Variants in SNTG1 observed in about 807,000 individuals in gnomAD.
The protein encoded by SNTG1 is syntrophin gamma 1.
SNTG1 carries 39 observed loss-of-function variants against 74.7 expected under a neutral mutation model. That is an observed-to-expected ratio of 0.52 (90% confidence interval 0.40 to 0.68). The LOEUF is 0.68. Among genes scored for constraint, SNTG1 ranks in the 30% least tolerant of loss-of-function variants. The pLI, the probability that SNTG1 is intolerant of heterozygous loss-of-function variation, is 0.00. For synonymous variants in SNTG1, 254 were observed against 217.1 expected, an observed-to-expected ratio of 1.17 and a Z score of -1.49; for missense variants, 685 against 609.5, an observed-to-expected ratio of 1.12 and a Z score of -1.30.
At chr8:50,757,831 A>G (rs2095585276) in intron 18 of SNTG1, among the ~76,000 whole-genome samples, 1 of 151,884 alleles carries the variant, frequency 6.6e-6, no homozygotes, top group African/African-American at 2.4e-5. Flanking sequence ...TATTAGCACA[A>G]CAGTTATATA....
chr8:50,129,003 G>A (rs1471643155), intron 1 of SNTG1, among the ~76,000 whole-genome samples: 2 of 151,994 alleles, frequency 1.3e-5, no homozygotes, highest in African/African-American at 4.8e-5. Context: ...GAATTGACAT[G>A]ACCAGTAGCG....
chr8:49,980,855 A>T (rs1812614819), intron 1 of SNTG1, among the ~76,000 whole-genome samples: 1 of 152,122 alleles, frequency 6.6e-6, no homozygotes, highest in African/African-American at 2.4e-5. Context: ...TCATTCACAG[A>T]CTGTACACTT....
intron 2 of SNTG1, among the ~76,000 whole-genome samples, chr8:50,228,934 C>G (rs1410678510): frequency 6.6e-6 from 1 of 151,462 alleles, no homozygotes; most frequent in Admixed American, 6.6e-5. Flanking sequence ...ATAATAGTAA[C>G]AATTATAAAG....
At position 49,946,483 on chromosome 8, in the gene SNTG1, C is replaced by T. The variant is rs1253950368; in HGVS notation, c.-103+34252C>T. ...CCTAAATTTTACCTGGGCTTTTGAACATTTTAAATATTTGAAAGGCACTGG... is the reference window on the plus strand; with the variant it reads ...CCTAAATTTTACCTGGGCTTTTGAATATTTTAAATATTTGAAAGGCACTGG... On this transcript the variant is annotated intron_variant, in intron 1 of 18. Transcript: ENST00000642720. Among the ~76,000 whole-genome samples, 11 of 152,210 alleles carry T rather than the reference C, an allele frequency of 7.2e-5. No individual in the cohort carries two copies. The East Asian group carries it at 2.1e-3, about 29-fold the overall frequency.
intron 1 of SNTG1, among the ~76,000 whole-genome samples, chr8:49,924,372 T>C (rs1270868700): frequency 2.0e-5 from 3 of 152,188 alleles, no homozygotes; most frequent in African/African-American, 7.2e-5. Flanking sequence ...GTGGTCAGAA[T>C]ACCAATGATC....
intron 4 of SNTG1, among the ~76,000 whole-genome samples, chr8:50,417,673 TC>T (rs147306944): frequency 3.4e-4 from 51 of 152,234 alleles, no homozygotes; most frequent in African/African-American, 1.2e-3. Context: ...AACTTCTCTC[TC>T]CAAGTGTATC....
At chr8:50,012,335 A>T (rs1815894571) in intron 1 of SNTG1, among the ~76,000 whole-genome samples, 1 of 152,054 alleles carries the variant, frequency 6.6e-6, no homozygotes, top group Non-Finnish European at 1.5e-5. Flanking sequence ...TATGTTCTGG[A>T]TGGAAATGTG....
chr8:50,433,247 G>T (rs992479562), intron 4 of SNTG1, among the ~76,000 whole-genome samples: 7 of 151,978 alleles, frequency 4.6e-5, no homozygotes, highest in African/African-American at 1.7e-4. Context: ...ACTTCTAGAA[G>T]AATTTTTTTT....
At chr8:50,636,269 C>T (rs945908005) in intron 13 of SNTG1, among the ~76,000 whole-genome samples, 1 of 151,694 alleles carries the variant, frequency 6.6e-6, no homozygotes, top group Non-Finnish European at 1.5e-5. Flanking sequence ...GGTGCAGGCA[C>T]TTCCTTAGCC....
chr8:50,263,677 A>C lies in SNTG1; in HGVS notation c.-28+91042A>C, dbSNP rs955535650. ...TGGGGAGGAAATAACAATTATAAAAATTATAGGCATCTTACAGAGGAAACA... is the reference window on the plus strand; with the variant it reads ...TGGGGAGGAAATAACAATTATAAAACTTATAGGCATCTTACAGAGGAAACA... On this transcript the variant is annotated intron_variant, in intron 2 of 18. Coordinates refer to ENST00000642720, the MANE Select transcript of SNTG1 (RefSeq NM_018967.5). 3.4e-4 allele frequency among the ~76,000 whole-genome samples: 52 copies of C among 152,224 alleles called. 1 individual carries two copies. The highest frequency in any genetic ancestry group is 1.2e-4 in the Non-Finnish European group (8 of 68,036).
At chr8:50,688,253 T>G (rs1022447670) in intron 15 of SNTG1, among the ~76,000 whole-genome samples, 33 of 152,314 alleles carry the variant, frequency 2.2e-4, no homozygotes, top group Admixed American at 7.2e-4. Flanking sequence ...AGAAGCTCTT[T>G]AGTTTAATTA....
At chr8:49,936,872 G>A (rs1432228274) in intron 1 of SNTG1, among the ~76,000 whole-genome samples, 2 of 152,162 alleles carry the variant, frequency 1.3e-5, no homozygotes, top group Non-Finnish European at 2.9e-5. Context: ...ATCCTGGCTG[G>A]GTATGGTGGC....
intron 1 of SNTG1, among the ~76,000 whole-genome samples, chr8:50,095,038 G>A (rs1275021458): frequency 2.0e-5 from 3 of 152,140 alleles, no homozygotes; most frequent in Admixed American, 6.5e-5. Context: ...ATTATCCTAA[G>A]CAAGCTAATG....
intron 12 of SNTG1, among the ~76,000 whole-genome samples, chr8:50,563,985 T>C (rs1204994779): frequency 1.3e-5 from 2 of 152,178 alleles, no homozygotes; most frequent in South Asian, 2.1e-4. Context: ...TCTCTCTCAT[T>C]ACATTCATCC....
At chr8:50,242,378 A>G (rs1251276142) in intron 2 of SNTG1, among the ~76,000 whole-genome samples, 1 of 151,872 alleles carries the variant, frequency 6.6e-6, no homozygotes, top group African/African-American at 2.4e-5. Flanking sequence ...ACATAGAAAA[A>G]TTAGCTGGGC....
At chr8:50,574,966 T>G (rs1048777326) in intron 12 of SNTG1, among the ~76,000 whole-genome samples, 2 of 152,204 alleles carry the variant, frequency 1.3e-5, no homozygotes, top group African/African-American at 4.8e-5. Flanking sequence ...CATTAATGGT[T>G]TTAATCTATT....
chr8:49,993,164 T>A (rs757600934), intron 1 of SNTG1, among the ~76,000 whole-genome samples: 18 of 152,094 alleles, frequency 1.2e-4, no homozygotes, highest in Non-Finnish European at 2.1e-4. Context: ...GAATAAGACT[T>A]TTCTCTGGGC....
chr8:50,548,259 C>A (rs1274725778), intron 11 of SNTG1, among the ~76,000 whole-genome samples: 1 of 152,058 alleles, frequency 6.6e-6, no homozygotes, highest in Non-Finnish European at 1.5e-5. Context: ...AAAATAACCA[C>A]GTAATTTGTG....
At chr8:50,196,611 G>T (rs2083778744) in intron 2 of SNTG1, among the ~76,000 whole-genome samples, 1 of 151,968 alleles carries the variant, frequency 6.6e-6, no homozygotes, top group African/African-American at 2.4e-5. Context: ...AAGGAGAAAA[G>T]TTGTTTGGGG....
Sources: gnomAD v4.1 joint callset for allele counts (sites outside exome capture counted in the v4.1 genomes callset) on GRCh38, gnomAD v4.1.1 for gene constraint, MANE v1.5 for transcripts, NCBI Gene and HGNC (gene_info 2026-07-23, HGNC 2026-07-21) for gene names.